The following DNAH14 variants were observed in gnomAD, a reference collection of about 807,000 sequenced individuals.
DNAH14 encodes the protein dynein axonemal heavy chain 14.
A neutral mutation model predicts 520.9 loss-of-function variants in DNAH14; 478 were observed. The ratio of observed to expected loss-of-function variants is 0.92; its 90% CI spans 0.85 to 0.99. The LOEUF is 0.99. Ranked by LOEUF, DNAH14 falls within the 50% of genes least tolerant of loss-of-function variation. DNAH14 has a pLI of 0.00. For missense variants in DNAH14, 4,831 were observed against 5,234.5 expected (o/e 0.92, Z 2.38); for synonymous variants, 1,581 against 1,757.2 (o/e 0.90, Z 2.51).
At chr1:225,386,058 C>G (rs1035779767) in intron 81 of DNAH14, among the ~76,000 whole-genome samples, 1 of 152,066 alleles carries the variant, frequency 6.6e-6, no homozygotes, top group African/African-American at 2.4e-5. Context: ...CAGAACAGAG[C>G]CCTCAGAAAT....
intron 84 of DNAH14, 110 bp from the exon 85 acceptor site, chr1:225,398,410 C>A (rs751417957): frequency 1.7e-4 from 227 of 1,332,624 alleles, no homozygotes; most frequent in Non-Finnish European, 2.2e-4. Flanking sequence ...GGGCAACATG[C>A]CTTAGGCAGG....
chr1:225,080,561 G>A lies in DNAH14; in HGVS notation c.2949G>A (p.Gln983=). The change falls in exon 19 of 86, where the codon CAG becomes CAA. Residue 983 remains glutamine, a synonymous_variant. Coordinates refer to ENST00000682510, the MANE Select transcript of DNAH14 (RefSeq NM_001367479.1). ...CTGTTAATGTGGAAGAAATTACACAGATTGTGCTTTCAGAGATCTCTGACA... is the reference window on the plus strand; with the variant it reads ...CTGTTAATGTGGAAGAAATTACACAAATTGTGCTTTCAGAGATCTCTGACA... ...MHSVNVEEIT[Q]IVLSEISDIE... 6.4e-7 allele frequency: 1 copy of A among 1,551,952 alleles called. No individual in the cohort carries two copies. Among genetic ancestry groups the A allele is most frequent in the Non-Finnish European group, 8.7e-7 (1 of 1,147,030 alleles).
intron 27 of DNAH14, among the ~76,000 whole-genome samples, chr1:225,131,082 A>G (rs1055752249): frequency 6.6e-6 from 1 of 152,180 alleles, no homozygotes; most frequent in Admixed American, 6.5e-5. Context: ...GGTGGTGAAT[A>G]TATAAGTATT....
chr1:225,295,992 A>G (rs1306591243), intron 55 of DNAH14, among the ~76,000 whole-genome samples: 1 of 152,116 alleles, frequency 6.6e-6, no homozygotes, highest in African/African-American at 2.4e-5. Flanking sequence ...ATTATTATAT[A>G]ATGTCCTTTG....
At chr1:225,140,734 GAGAT>G (rs1325801640) in intron 27 of DNAH14, 30 bp from the exon 28 acceptor site, 8 of 1,335,094 alleles carry the variant, frequency 6.0e-6, no homozygotes, top group Non-Finnish European at 8.3e-6. Flanking sequence ...TATATAGAGA[GAGAT>G]ATATATATAA....
intron 1 of DNAH14, among the ~76,000 whole-genome samples, chr1:224,944,943 A>C (rs1227904323): frequency 6.6e-6 from 1 of 151,900 alleles, no homozygotes; most frequent in Non-Finnish European, 1.5e-5. Flanking sequence ...CTTCATTTCA[A>C]CTTTGGTGAA....
At chr1:225,253,044 G>T (rs183964882) in intron 44 of DNAH14, among the ~76,000 whole-genome samples, 1 of 150,600 alleles carries the variant, frequency 6.6e-6, no homozygotes, top group East Asian at 2.0e-4. Context: ...TCTCATAAAA[G>T]AATTTCAGAG....
chr1:225,088,765 T>G (rs2148640709), intron 21 of DNAH14, among the ~76,000 whole-genome samples: 1 of 152,256 alleles, frequency 6.6e-6, no homozygotes, highest in African/African-American at 2.4e-5. Flanking sequence ...AGAGATGACA[T>G]TACTACAGAT....
intron 42 of DNAH14, among the ~76,000 whole-genome samples, chr1:225,234,759 A>T (rs1284458369): frequency 1.3e-5 from 2 of 151,930 alleles, no homozygotes; most frequent in Non-Finnish European, 2.9e-5. Flanking sequence ...TAGGTCCTTC[A>T]CTTCCCTTGT....
intron 21 of DNAH14, among the ~76,000 whole-genome samples, chr1:225,091,441 A>G (rs982840056): frequency 6.6e-6 from 1 of 152,134 alleles, no homozygotes; most frequent in Non-Finnish European, 1.5e-5. Context: ...AATTCTTACA[A>G]AATAGAAATT....
intron 52 of DNAH14, among the ~76,000 whole-genome samples, chr1:225,275,081 G>T (rs1443559891): frequency 1.3e-5 from 2 of 152,166 alleles, no homozygotes; most frequent in Non-Finnish European, 2.9e-5. Context: ...AGGTCACCCT[G>T]CTAGTTAAGT....
At chr1:225,146,583 G>T (rs535442408) in intron 30 of DNAH14, among the ~76,000 whole-genome samples, 2 of 152,360 alleles carry the variant, frequency 1.3e-5, no homozygotes, top group South Asian at 2.1e-4. Flanking sequence ...AGCAGCAGCT[G>T]CGTGCTTTAG....
intron 46 of DNAH14, among the ~76,000 whole-genome samples, chr1:225,260,223 G>A (rs2092886126): frequency 6.6e-6 from 1 of 151,900 alleles, no homozygotes; most frequent in Admixed American, 6.6e-5. Flanking sequence ...GTGGTGGCAG[G>A]TGCCTGTAAT....
At chr1:225,033,885 T>C (rs1254583477) in intron 11 of DNAH14, among the ~76,000 whole-genome samples, 1 of 152,170 alleles carries the variant, frequency 6.6e-6, no homozygotes, top group African/African-American at 2.4e-5. Flanking sequence ...GTTGTTAGTA[T>C]ATAGGAATGC....
At chr1:225,206,930 T>A in intron 40 of DNAH14, 38 bp from the exon 41 acceptor site, 1 of 1,393,560 alleles carries the variant, frequency 7.2e-7, no homozygotes, top group African/African-American at 1.5e-5. Context: ...ATATTTTTAT[T>A]TATTTACATA....
chr1:225,174,330 C>G (rs1453648062), intron 36 of DNAH14, among the ~76,000 whole-genome samples: 1 of 151,928 alleles, frequency 6.6e-6, no homozygotes, highest in Admixed American at 6.6e-5. Flanking sequence ...GATATCTTTC[C>G]ATTTATTTGT....
At chr1:225,079,125 G>C (rs778938494) in intron 17 of DNAH14, 82 bp from the exon 18 acceptor site, 22 of 1,243,958 alleles carry the variant, frequency 1.8e-5, no homozygotes, top group Non-Finnish European at 2.5e-5. Flanking sequence ...ACTTATATAA[G>C]TCAGAGAAAT....
chr1:225,211,316 C>G (rs993192376), intron 41 of DNAH14, among the ~76,000 whole-genome samples: 2 of 152,012 alleles, frequency 1.3e-5, no homozygotes. Context: ...AATAAATGAC[C>G]TGTTGGAGCT....
intron 31 of DNAH14, among the ~76,000 whole-genome samples, chr1:225,150,442 T>A (rs1344006987): frequency 6.6e-6 from 1 of 152,154 alleles, no homozygotes; most frequent in Non-Finnish European, 1.5e-5. Context: ...TCCTCCTCAA[T>A]TTTTGGAATA....
Sources: gnomAD v4.1 joint callset for allele counts (sites outside exome capture counted in the v4.1 genomes callset) on GRCh38, gnomAD v4.1.1 for gene constraint, MANE v1.5 for transcripts, NCBI Gene and HGNC (gene_info 2026-07-23, HGNC 2026-07-21) for gene names.